Variants in NSMCE2 observed in about 807,000 individuals in gnomAD.
NSMCE2 encodes NSE2 SUMO ligase component of SMC5/6 complex.
A neutral mutation model predicts 23.8 loss-of-function variants in NSMCE2; 24 were observed. The observed-to-expected ratio is 1.01, with a 90% CI of 0.73 to 1.42. The LOEUF (loss-of-function observed/expected upper bound fraction) is 1.42, where lower values mean the gene tolerates loss of function less well. NSMCE2 is among the 40% of genes most tolerant of loss of function. NSMCE2 has a pLI of 0.00. For missense variants in NSMCE2, 284 were observed against 296.5 expected (o/e 0.96, Z 0.31); for synonymous variants, 92 against 94.1 (o/e 0.98, Z 0.13).
At chr8:125,304,751 G>C (rs777267846) in intron 5 of NSMCE2, among the ~76,000 whole-genome samples, 1 of 151,876 alleles carries the variant, frequency 6.6e-6, no homozygotes, top group Non-Finnish European at 1.5e-5. Flanking sequence ...CAGCTGCTTG[G>C]GAGACTGAGG....
intron 5 of NSMCE2, among the ~76,000 whole-genome samples, chr8:125,274,789 G>C (rs1263993585): frequency 6.6e-6 from 1 of 151,810 alleles, no homozygotes; most frequent in Non-Finnish European, 1.5e-5. Context: ...AATTAGCCAG[G>C]CATGGTGGCG....
rs541257907 is a variant in NSMCE2, at chr8:125,189,936, C to T, written c.418+7680C>T. Among the ~76,000 whole-genome samples the T allele has an allele frequency of 1.8e-4, 28 of 152,280 alleles. No homozygotes were observed. In the South Asian group the frequency reaches 5.8e-3, roughly 32 times the overall value. ...CATTCAAACAAATTGATGAAGTTTG[C>T]TGGCTCTTCTATGGTTTTACCATCT... On this transcript the variant is annotated intron_variant, in intron 5 of 7. Transcript: ENST00000287437.
At chr8:125,156,722 C>A (rs74493457) in intron 4 of NSMCE2, among the ~76,000 whole-genome samples, 14,492 of 152,190 alleles carry the variant, frequency 0.095, 749 homozygotes, top group African/African-American at 0.11. Flanking sequence ...GAAACCAAAG[C>A]AATCTTAGAT....
At chr8:125,147,856 A>G (rs1029884696) in intron 3 of NSMCE2, among the ~76,000 whole-genome samples, 14 of 152,216 alleles carry the variant, frequency 9.2e-5, no homozygotes, top group African/African-American at 3.4e-4. Flanking sequence ...AGAACAAAAA[A>G]GAATTACGAA....
chr8:125,354,069 T>A (rs1356288280), intron 5 of NSMCE2, among the ~76,000 whole-genome samples: 5 of 151,006 alleles, frequency 3.3e-5, no homozygotes, highest in African/African-American at 1.2e-4. Flanking sequence ...GTAGCTCAGG[T>A]TATAGGCGCC....
At chr8:125,257,145 G>T (rs367770400) in intron 5 of NSMCE2, among the ~76,000 whole-genome samples, 2 of 151,510 alleles carry the variant, frequency 1.3e-5, no homozygotes, top group East Asian at 2.0e-4. Context: ...TTAGTCAGGC[G>T]TGGTGGCACG....
chr8:125,343,102 C>A (rs1830305259), intron 5 of NSMCE2, among the ~76,000 whole-genome samples: 1 of 152,146 alleles, frequency 6.6e-6, no homozygotes, highest in Non-Finnish European at 1.5e-5. Flanking sequence ...TTCATTAATA[C>A]TAAGATTCCA....
intron 4 of NSMCE2, among the ~76,000 whole-genome samples, chr8:125,172,912 T>G (rs535434309): frequency 2.0e-5 from 3 of 152,340 alleles, no homozygotes; most frequent in South Asian, 2.1e-4. Context: ...CTGACAACAC[T>G]TTAGACTGTC....
intron 5 of NSMCE2, among the ~76,000 whole-genome samples, chr8:125,251,246 G>C (rs1194575115): frequency 6.6e-6 from 1 of 151,930 alleles, no homozygotes; most frequent in Non-Finnish European, 1.5e-5. Context: ...GGAGACGCAG[G>C]GAACAGAATA....
intron 3 of NSMCE2, among the ~76,000 whole-genome samples, chr8:125,103,305 C>CAA (rs1306185191): frequency 7.2e-6 from 1 of 139,006 alleles, no homozygotes; most frequent in Non-Finnish European, 1.6e-5. Context: ...GACTCTGTCT[C>CAA]AAAAAAAAAA....
At chr8:125,340,234 C>G (rs1195619041) in intron 5 of NSMCE2, among the ~76,000 whole-genome samples, 2 of 151,934 alleles carry the variant, frequency 1.3e-5, no homozygotes, top group African/African-American at 4.8e-5. Flanking sequence ...TAGCCTAATA[C>G]AGCATGACGT....
At chr8:125,227,010 C>G (rs921926460) in intron 5 of NSMCE2, among the ~76,000 whole-genome samples, 1 of 152,276 alleles carries the variant, frequency 6.6e-6, no homozygotes, top group Admixed American at 6.5e-5. Flanking sequence ...TGCCTAGGGA[C>G]TCACCAGTGA....
intron 3 of NSMCE2, among the ~76,000 whole-genome samples, chr8:125,140,162 A>G (rs894985677): frequency 1.4e-4 from 22 of 152,206 alleles, no homozygotes; most frequent in Non-Finnish European, 4.4e-5. Flanking sequence ...TTTTAGTCAT[A>G]TGCTTTATTA....
At chr8:125,128,625 A>C (rs749206283) in intron 3 of NSMCE2, among the ~76,000 whole-genome samples, 2 of 152,208 alleles carry the variant, frequency 1.3e-5, no homozygotes, top group African/African-American at 4.8e-5. Flanking sequence ...AACTGGGCTA[A>C]AAGCAAAGTG....
rs188699643 is a variant in NSMCE2, at chr8:125,259,962, T to C, written c.418+77706T>C. 5.9e-5 allele frequency among the ~76,000 whole-genome samples: 9 copies of C among 152,266 alleles called. No homozygotes were observed. The East Asian group carries it at 1.5e-3, about 26-fold the overall frequency. On this transcript the variant is annotated intron_variant, in intron 5 of 7. Coordinates refer to ENST00000287437, the MANE Select transcript of NSMCE2 (RefSeq NM_173685.4). Reference sequence around the variant, plus strand: ...ATTGGGCTCATGTAATCCAACCTCTTCTCTTATAGATGAAGCAACCGAGGC... The same window carrying C: ...ATTGGGCTCATGTAATCCAACCTCTCCTCTTATAGATGAAGCAACCGAGGC...
chr8:125,188,619 T>G (rs1823213263), intron 5 of NSMCE2, among the ~76,000 whole-genome samples: 2 of 152,204 alleles, frequency 1.3e-5, no homozygotes, highest in Non-Finnish European at 2.9e-5. Flanking sequence ...ACCTTTGCCT[T>G]TACTTTCTCA....
At chr8:125,112,841 A>T (rs1818831538) in intron 3 of NSMCE2, among the ~76,000 whole-genome samples, 2 of 152,176 alleles carry the variant, frequency 1.3e-5, no homozygotes, top group Admixed American at 1.3e-4. Context: ...TGGTGACTAT[A>T]GTTAATAACT....
intron 5 of NSMCE2, among the ~76,000 whole-genome samples, chr8:125,332,209 C>T (rs575883618): frequency 3.5e-4 from 53 of 152,112 alleles, no homozygotes; most frequent in Non-Finnish European, 6.8e-4. Context: ...TGCCAGTCAC[C>T]GATGCTAAGT....
At chr8:125,242,111 G>C (rs1409856156) in intron 5 of NSMCE2, among the ~76,000 whole-genome samples, 1 of 152,092 alleles carries the variant, frequency 6.6e-6, no homozygotes, top group African/African-American at 2.4e-5. Context: ...AACTGGGGGG[G>C]GAGTTTGAGA....
Sources: gnomAD v4.1 joint callset for allele counts (sites outside exome capture counted in the v4.1 genomes callset) on GRCh38, gnomAD v4.1.1 for gene constraint, MANE v1.5 for transcripts, NCBI Gene and HGNC (gene_info 2026-07-23, HGNC 2026-07-21) for gene names.